NPAS3: variants seen among roughly 807,000 people sequenced by gnomAD.
NPAS3 encodes neuronal PAS domain-containing protein 3.
A neutral mutation model predicts 73.1 loss-of-function variants in NPAS3; 14 were observed. That is an observed-to-expected ratio of 0.19 (90% CI 0.13 to 0.30). The LOEUF (loss-of-function observed/expected upper bound fraction) is 0.30, where lower values mean the gene tolerates loss of function less well. Among genes scored for constraint, NPAS3 ranks in the 10% least tolerant of loss-of-function variants. NPAS3 has a pLI of 1.00. For missense variants in NPAS3, 1,096 were observed against 1,250.0 expected (o/e 0.88, Z 1.86); for synonymous variants, 620 against 541.5 (o/e 1.14, Z -2.01).
intron 1 of NPAS3, among the ~76,000 whole-genome samples, chr14:32,959,642 G>T (rs150358779): frequency 6.6e-6 from 1 of 152,306 alleles, no homozygotes; most frequent in Non-Finnish European, 1.5e-5. Context: ...TGATGTAAAG[G>T]AGTGAGCACT....
intron 3 of NPAS3, among the ~76,000 whole-genome samples, chr14:33,235,289 A>G (rs2047992232): frequency 6.6e-6 from 1 of 152,030 alleles, no homozygotes; most frequent in African/African-American, 2.4e-5. Context: ...TGCACGCGTT[A>G]ATTAAGCGAT....
chr14:33,304,051 G>T (rs2042660984), intron 3 of NPAS3, among the ~76,000 whole-genome samples: 1 of 152,196 alleles, frequency 6.6e-6, no homozygotes, highest in Admixed American at 6.5e-5. Context: ...GGGACTACAG[G>T]TGCCCGCAAC....
chr14:33,218,111 T>A (rs189145088), intron 3 of NPAS3, among the ~76,000 whole-genome samples: 3 of 152,290 alleles, frequency 2.0e-5, no homozygotes, highest in Admixed American at 2.0e-4. Flanking sequence ...TGGAATGGCA[T>A]GGTAGTGTCA....
intron 3 of NPAS3, among the ~76,000 whole-genome samples, chr14:33,319,445 TG>T (rs2140230453): frequency 6.6e-6 from 1 of 152,190 alleles, no homozygotes; most frequent in African/African-American, 2.4e-5. Context: ...TCATATAAAT[TG>T]TATAATGGCG....
At position 33,559,114 on chromosome 14, in the gene NPAS3, T is replaced by C. The variant is rs146965655; in HGVS notation, c.469-1007T>C. ...CCATTTGGAAAGTGGACTGAGGTTT[T>C]AGGAGTTACAGATGATGTGTAGCAT... On this transcript the variant is annotated intron_variant, in intron 4 of 11. Transcript: ENST00000356141. Among the ~76,000 whole-genome samples the C allele has an allele frequency of 5.5e-3, 844 of 152,336 alleles. 9 individuals are homozygous for C. Among genetic ancestry groups the C allele is most frequent in the African/African-American group, 0.02 (813 of 41,574 alleles).
chr14:33,458,960 G>A (rs2050136661), intron 4 of NPAS3, among the ~76,000 whole-genome samples: 1 of 152,222 alleles, frequency 6.6e-6, no homozygotes, highest in South Asian at 2.1e-4. Flanking sequence ...ATAAAAGAAG[G>A]GCTACTCCAT....
chr14:33,675,754 CTG>C (rs1295606363), intron 5 of NPAS3, among the ~76,000 whole-genome samples: 2 of 152,210 alleles, frequency 1.3e-5, no homozygotes, highest in Admixed American at 1.3e-4. Flanking sequence ...TCTTGGAAAT[CTG>C]TGTATTTTAA....
intron 4 of NPAS3, among the ~76,000 whole-genome samples, chr14:33,447,106 C>T (rs1347855701): frequency 1.3e-5 from 2 of 152,216 alleles, no homozygotes; most frequent in Non-Finnish European, 2.9e-5. Context: ...TAATAGCAAT[C>T]CATTGTGCTG....
At chr14:33,177,068 CTTTTTATTA>C (rs926046631) in intron 2 of NPAS3, among the ~76,000 whole-genome samples, 5 of 70,720 alleles carry the variant, frequency 7.1e-5, no homozygotes, top group African/African-American at 2.2e-4. Flanking sequence ...GGCTGTTTAT[CTTTTTATTA>C]TTATTATTAT....
intron 7 of NPAS3, among the ~76,000 whole-genome samples, chr14:33,764,771 G>A (rs1566513858): frequency 1.3e-5 from 2 of 152,224 alleles, no homozygotes; most frequent in Non-Finnish European, 2.9e-5. Context: ...CTCCACAGTA[G>A]TACAATGGGC....
chr14:33,450,930 A>G (rs1401615823), intron 4 of NPAS3, among the ~76,000 whole-genome samples: 2 of 152,348 alleles, frequency 1.3e-5, no homozygotes, highest in Admixed American at 1.3e-4. Flanking sequence ...TTTAATGTCT[A>G]TAGGAGCTCT....
intron 6 of NPAS3, among the ~76,000 whole-genome samples, chr14:33,694,185 C>T (rs1054851987): frequency 6.6e-6 from 1 of 152,068 alleles, no homozygotes; most frequent in Admixed American, 6.6e-5. Flanking sequence ...GCAACCCCCT[C>T]GCCCCTTGTG....
chr14:33,533,007 T>TTCCTTA lies in NPAS3; in HGVS notation c.469-27113_469-27108dup, dbSNP rs534502906. 2.0e-4 allele frequency among the ~76,000 whole-genome samples: 30 copies of TTCCTTA among 152,220 alleles called. 1 individual carries two copies. In the East Asian group the frequency reaches 5.6e-3, roughly 28 times the overall value. On this transcript the variant is annotated intron_variant, in intron 4 of 11. Transcript: ENST00000356141. Reference sequence around the variant, plus strand: ...AACCTCAGAAATGCTCTAAACAGCATTCCTTAATTCTTTAACTCAAGAGTT... The same window carrying TTCCTTA: ...AACCTCAGAAATGCTCTAAACAGCATTCCTTATCCTTAATTCTTTAACTCAAGAGTT...
intron 3 of NPAS3, among the ~76,000 whole-genome samples, chr14:33,218,328 G>C (rs1249228171): frequency 5.3e-5 from 8 of 152,152 alleles, no homozygotes; most frequent in African/African-American, 1.9e-4. Flanking sequence ...GCTCTCAAAA[G>C]TAGCTAGAAA....
intron 4 of NPAS3, among the ~76,000 whole-genome samples, chr14:33,397,005 G>A (rs1229821463): frequency 6.6e-6 from 1 of 152,014 alleles, no homozygotes; most frequent in Non-Finnish European, 1.5e-5. Flanking sequence ...ATAAAATGGT[G>A]GTGGCATTAT....
chr14:33,530,481 A>G (rs1405388751), intron 4 of NPAS3, among the ~76,000 whole-genome samples: 2 of 152,136 alleles, frequency 1.3e-5, no homozygotes, highest in Admixed American at 6.6e-5. Flanking sequence ...TTTCCCACAC[A>G]AGAGTTTCCC....
At chr14:33,475,406 A>G (rs1382220573) in intron 4 of NPAS3, among the ~76,000 whole-genome samples, 1 of 152,186 alleles carries the variant, frequency 6.6e-6, no homozygotes, top group East Asian at 1.9e-4. Context: ...TACATCAAAA[A>G]TCATAGGTCT....
chr14:33,115,087 A>G (rs2043017169), intron 2 of NPAS3, among the ~76,000 whole-genome samples: 1 of 144,326 alleles, frequency 6.9e-6, no homozygotes, highest in South Asian at 2.1e-4. Context: ...CATCACTAAC[A>G]TTATTGAGTG....
At chr14:33,182,936 A>C (rs2045847439) in intron 2 of NPAS3, among the ~76,000 whole-genome samples, 1 of 152,216 alleles carries the variant, frequency 6.6e-6, no homozygotes, top group Admixed American at 6.5e-5. Context: ...TTCTTCTGGC[A>C]GTGACATTGA....
Sources: allele counts gnomAD v4.1 joint callset (sites outside exome capture counted in the v4.1 genomes callset), GRCh38; gene constraint gnomAD v4.1.1; transcripts MANE v1.5; gene names NCBI Gene and HGNC (gene_info 2026-07-23, HGNC 2026-07-21).